The following FYB1 variants were observed in gnomAD, a reference collection of about 807,000 sequenced individuals.
FYB1 encodes the protein FYN-binding protein 1.
A neutral mutation model predicts 94.1 loss-of-function variants in FYB1; 41 were observed. The ratio of observed to expected loss-of-function variants is 0.44; its 90% confidence interval spans 0.34 to 0.57. The LOEUF is 0.57. Ranked by LOEUF, FYB1 falls within the 20% of genes least tolerant of loss-of-function variation. The probability of loss-of-function intolerance (pLI) is 0.02; values close to 1 mark genes in which losing one functional copy is unlikely to be tolerated. For synonymous variants in FYB1, 367 were observed against 353.2 expected (o/e 1.04, Z -0.44); for missense variants, 1,050 against 976.8 (o/e 1.07, Z -1.00).
chr5:39,177,665 A>T (rs187139813), intron 2 of FYB1, among the ~76,000 whole-genome samples: 55 of 152,290 alleles, frequency 3.6e-4, no homozygotes, highest in Admixed American at 6.5e-4. Flanking sequence ...TTTACTTCAA[A>T]CTTTTGAGCC....
chr5:39,109,956 G>A (rs1205343377), intron 17 of FYB1, among the ~76,000 whole-genome samples: 2 of 152,080 alleles, frequency 1.3e-5, no homozygotes, highest in Non-Finnish European at 2.9e-5. Flanking sequence ...CTGTTAACAG[G>A]TGATATTAGC....
At chr5:39,156,955 T>C (rs886351063) in intron 2 of FYB1, among the ~76,000 whole-genome samples, 2 of 152,188 alleles carry the variant, frequency 1.3e-5, no homozygotes, top group Non-Finnish European at 2.9e-5. Context: ...TAAAAATATC[T>C]GGGAATAATG....
chr5:39,176,785 T>C (rs373016855), intron 2 of FYB1, among the ~76,000 whole-genome samples: 4 of 152,244 alleles, frequency 2.6e-5, no homozygotes, highest in African/African-American at 9.6e-5. Flanking sequence ...TTCCTGATTT[T>C]CTGAGTGAAG....
chr5:39,264,672 C>G (rs932559068), intron 1 of FYB1, among the ~76,000 whole-genome samples: 2 of 152,156 alleles, frequency 1.3e-5, no homozygotes, highest in Admixed American at 6.5e-5. Context: ...CCAACTCATT[C>G]TCACTTTTTG....
In FYB1 at chr5:39,134,319, A is replaced by G. The variant is rs372110249; in HGVS notation, c.1706T>C (p.Ile569Thr). ...YGYIKTTAVEIDYDSLKLKKD... is the reference protein window; with the variant it reads ...YGYIKTTAVETDYDSLKLKKD... ...TTTCAGTTTCAAAGAATCATAGTCA[A>G]TCTCTACAGCAGTTGTTTTAATATA... is the stretch of plus-strand genomic sequence containing the variant. The change falls in exon 9 of 19, where the codon ATT becomes ACT. Residue 569 changes from isoleucine (I) to threonine (T), a missense_variant. Physicochemically the swap from Ile to Thr is moderately conservative, Grantham distance 89. Coordinates refer to ENST00000512982, the MANE Select transcript of FYB1 (RefSeq NM_001465.6). 5.0e-6 allele frequency: 8 copies of G among 1,611,804 alleles called. No homozygotes were observed. Among genetic ancestry groups the G allele is most frequent in the Non-Finnish European group, 6.8e-6 (8 of 1,178,254 alleles).
chr5:39,163,009 A>T (rs1443059392), intron 2 of FYB1, among the ~76,000 whole-genome samples: 3 of 152,230 alleles, frequency 2.0e-5, no homozygotes, highest in Non-Finnish European at 1.5e-5. Context: ...TTGATATAAT[A>T]CAGAGTTTCA....
At chr5:39,250,339 A>G (rs7726449) in intron 1 of FYB1, among the ~76,000 whole-genome samples, 48,888 of 151,992 alleles carry the variant, frequency 0.32, 9,554 homozygotes, top group African/African-American at 0.56. Flanking sequence ...AGGATACTGA[A>G]AAGGACTTGT....
chr5:39,221,655 T>A (rs527800386), upstream of FYB1, among the ~76,000 whole-genome samples: 1 of 152,326 alleles, frequency 6.6e-6, no homozygotes, highest in African/African-American at 2.4e-5. Flanking sequence ...TTGGGATTAC[T>A]TGTTTTTCTT....
chr5:39,214,101 G>A (rs964844118), intron 1 of FYB1, among the ~76,000 whole-genome samples: 6 of 152,086 alleles, frequency 3.9e-5, no homozygotes, highest in Admixed American at 2.6e-4. Flanking sequence ...CATACTAAAT[G>A]GTTTTCAAAA....
At chr5:39,152,454 G>A (rs1296374584) in intron 3 of FYB1, among the ~76,000 whole-genome samples, 1 of 152,168 alleles carries the variant, frequency 6.6e-6, no homozygotes, top group Non-Finnish European at 1.5e-5. Context: ...AATCTGGTAG[G>A]GGAATTTAAG....
chr5:39,119,151 G>T, intron 15 of FYB1, 115 bp from the exon 16 acceptor site: 3 of 512,794 alleles, frequency 5.9e-6, no homozygotes, highest in Non-Finnish European at 9.7e-6. Context: ...CAGTGTTTTC[G>T]AAATATAATG....
Position 39,250,781 on chromosome 5 carries a change from C to A in FYB1, c.-28+23622G>T, listed in dbSNP as rs76216853. ...AACTTCTGGTGTGAGCTTCATGCTG[C>A]GAGTGCTGGGAAGTGGCTAGAAAAA... On this transcript the variant is annotated intron_variant, in intron 1 of 1. Transcript: ENST00000510188. The A allele has an allele frequency of 8.6e-4, 131 of 152,162 alleles. 3 individuals carry two copies. Among genetic ancestry groups the A allele is most frequent in the African/African-American group, 3.0e-3 (123 of 41,516 alleles). 9.4% of individuals were successfully genotyped at this position (152,162 alleles called of 1,614,324 possible). A position where few individuals can be genotyped will look rare whatever the true frequency, so the allele number is the denominator to read the frequency against.
intron 1 of FYB1, among the ~76,000 whole-genome samples, chr5:39,215,525 C>T (rs1218876134): frequency 6.6e-6 from 1 of 152,152 alleles, no homozygotes; most frequent in Non-Finnish European, 1.5e-5. Flanking sequence ...TCTCAGGGAT[C>T]TTTGGGGAGA....
At chr5:39,143,061 A>T (rs1229412898) in intron 3 of FYB1, among the ~76,000 whole-genome samples, 1 of 152,126 alleles carries the variant, frequency 6.6e-6, no homozygotes, top group African/African-American at 2.4e-5. Flanking sequence ...AGTTTTTCCT[A>T]AATGGTTTTA....
At chr5:39,177,222 G>A (rs1030248024) in intron 2 of FYB1, among the ~76,000 whole-genome samples, 7 of 152,120 alleles carry the variant, frequency 4.6e-5, no homozygotes, top group African/African-American at 1.7e-4. Flanking sequence ...TGTTTCCTGA[G>A]GGCTGTGGCT....
intron 1 of FYB1, among the ~76,000 whole-genome samples, chr5:39,245,259 G>C (rs951243819): frequency 1.3e-5 from 2 of 152,106 alleles, no homozygotes; most frequent in Non-Finnish European, 2.9e-5. Flanking sequence ...GAGATATAGG[G>C]TCAAAATACC....
intron 2 of FYB1, among the ~76,000 whole-genome samples, chr5:39,193,558 A>T (rs1014597205): frequency 6.6e-6 from 1 of 152,212 alleles, no homozygotes; most frequent in Non-Finnish European, 1.5e-5. Flanking sequence ...TGTTCTCTAC[A>T]TCCAGAAGCA....
chr5:39,166,294 G>C (rs1184321271), intron 2 of FYB1, among the ~76,000 whole-genome samples: 1 of 151,984 alleles, frequency 6.6e-6, no homozygotes, highest in Non-Finnish European at 1.5e-5. Flanking sequence ...AAATTATCCG[G>C]GCCTGGTGGC....
Position 39,107,417 on chromosome 5 carries a change from C to T in FYB1, c.*26G>A. 1 of 1,511,422 alleles carries T rather than the reference C, an allele frequency of 6.6e-7. No individual in the cohort carries two copies. The highest frequency in any genetic ancestry group is 8.9e-7 in the Non-Finnish European group (1 of 1,123,790). The allele number at this position is 1,511,422 out of a possible 1,614,324, so 93.6% of individuals were successfully genotyped here. On this transcript the variant is annotated 3_prime_UTR_variant, in exon 19 of 19. Coordinates refer to ENST00000512982, the MANE Select transcript of FYB1 (RefSeq NM_001465.6). ...AGACTTCACATTGGCACCTAATGAA[C>T]ACAGCAGAATGACCAAAGTTGAGTG... is the stretch of plus-strand genomic sequence containing the variant.
Sources: allele counts gnomAD v4.1 joint callset (sites outside exome capture counted in the v4.1 genomes callset), GRCh38; gene constraint gnomAD v4.1.1; transcripts MANE v1.5; gene names NCBI Gene and HGNC (gene_info 2026-07-23, HGNC 2026-07-21).